SORT1: variants seen among roughly 807,000 people sequenced by gnomAD.
SORT1 encodes the protein sortilin 1.
Under a neutral mutation model 101.7 loss-of-function variants are expected in SORT1, and 39 were observed. The ratio of observed to expected loss-of-function variants is 0.38; its 90% CI spans 0.30 to 0.50. SORT1 has a LOEUF of 0.50. SORT1 is among the 20% of genes least tolerant of loss of function. SORT1 has a pLI of 0.90. For synonymous variants in SORT1, 396 were observed against 393.7 expected (o/e 1.01, Z -0.07); for missense variants, 878 against 1,040.4 (o/e 0.84, Z 2.15).
rs374853209 is a variant in SORT1 at position 109,342,024 on chromosome 1, A to T, written c.1098T>A (p.Asp366Glu). 1.2e-6 allele frequency: 2 copies of T among 1,613,582 alleles called. No homozygotes were observed. Among genetic ancestry groups the T allele is most frequent in the African/African-American group, 2.7e-5 (2 of 74,914 alleles). Reference sequence around the variant, plus strand: ...CTAAAAAGCTCTTACCTCCAGGTTCATCTACATGCATGAATACCATGTCAT... The same window carrying T: ...CTAAAAAGCTCTTACCTCCAGGTTCTTCTACATGCATGAATACCATGTCAT... ...ANDDMVFMHV[D>E]EPGDTGFGTI... The change falls in exon 9 of 20, where the codon GAT (aspartate) becomes GAA (glutamate). Residue 366 changes from aspartate (D) to glutamate (E), a missense_variant. By Grantham distance (45) the Asp-to-Glu change is conservative. This residue lies in a region of SORT1 where 684 missense variants were observed against 894.5 expected (regional missense o/e 0.76). Coordinates refer to ENST00000256637, the MANE Select transcript of SORT1 (RefSeq NM_002959.7).
At chr1:109,393,344 T>C (rs993032803) in intron 1 of SORT1, 2 of 982,842 alleles carry the variant, frequency 2.0e-6, no homozygotes, top group African/African-American at 1.7e-5. Flanking sequence ...CCTGGCTTTA[T>C]TCATCATAAG....
Position 109,397,792 on chromosome 1 carries a change from TG to T in SORT1, c.100del (p.Gln34ArgfsTer23). 1 of 1,254,266 alleles carries T rather than the reference TG, an allele frequency of 8.0e-7. No homozygotes were observed. Among genetic ancestry groups the T allele is most frequent in the Non-Finnish European group, 1.0e-6 (1 of 993,054 alleles). The allele number at this position is 1,254,266 out of a possible 1,614,324, so 77.7% of individuals were successfully genotyped here. On this transcript the variant is annotated frameshift_variant, in exon 1 of 20. Transcript: ENST00000256637. LOFTEE classifies it high-confidence loss of function. ...LQLLPPSTLS[Q>X]DRLDAPPPPA... ...CGGCGGCGGCGCGTCCAGCCGGTCC[TG>T]GCTGAGGGTCGACGGCGGCAGCAGC...
At chr1:109,362,259 C>G (rs560915256) in intron 3 of SORT1, among the ~76,000 whole-genome samples, 4 of 152,132 alleles carry the variant, frequency 2.6e-5, no homozygotes, top group Admixed American at 6.5e-5. Flanking sequence ...CAGAAGTTTG[C>G]AGAAACCTAA....
At chr1:109,332,463 C>T (rs1648525181) in intron 11 of SORT1, among the ~76,000 whole-genome samples, 1 of 152,134 alleles carries the variant, frequency 6.6e-6, no homozygotes, top group South Asian at 2.1e-4. Context: ...ACACACCTAG[C>T]TACTTGGGAC....
intron 1 of SORT1, among the ~76,000 whole-genome samples, chr1:109,395,324 G>T (rs970541017): frequency 1.4e-5 from 2 of 145,830 alleles, no homozygotes; most frequent in African/African-American, 5.1e-5. Flanking sequence ...GGGTTCAAGT[G>T]ATCGTCATGC....
intron 15 of SORT1, among the ~76,000 whole-genome samples, chr1:109,322,283 C>G (rs1647685972): frequency 6.6e-6 from 1 of 152,032 alleles, no homozygotes; most frequent in Admixed American, 6.6e-5. Context: ...TCCTCTACCA[C>G]TTCTTTTGGT....
intron 1 of SORT1, chr1:109,393,187 C>A: frequency 4.1e-6 from 4 of 985,488 alleles, no homozygotes; most frequent in Non-Finnish European, 4.8e-6. Context: ...CTTCCCAGAG[C>A]TGACACCCCA....
chr1:109,332,714 T>C (rs560444473), intron 11 of SORT1, among the ~76,000 whole-genome samples: 2 of 152,266 alleles, frequency 1.3e-5, no homozygotes, highest in African/African-American at 4.8e-5. Flanking sequence ...TTTCAAAATA[T>C]ATTATTGAGC....
In SORT1 at chr1:109,397,691, C is replaced by A; in HGVS notation, c.202G>T (p.Ala68Ser). ...CGCCAACGGCCGCCGCGGGGAAACG[C>A]GCCCCCGGCTGCGGCCGCCCGCAGC... Reference protein sequence around the residue: ...WGLRAAAAGGAFPRGGRWRRS... With the variant: ...WGLRAAAAGGSFPRGGRWRRS... The change falls in exon 1 of 20, where the codon GCG becomes TCG. Residue 68 changes from alanine to serine, a missense_variant. Physicochemically the swap from Ala to Ser is moderately conservative, Grantham distance 99 (BLOSUM62 1). Around this residue, in one of 2 missense-constraint regions of SORT1, gnomAD observed 194 missense variants for 145.9 expected, o/e 1.33. Coordinates refer to ENST00000256637, the MANE Select transcript of SORT1 (RefSeq NM_002959.7). 1 of 1,194,002 alleles carries A rather than the reference C, an allele frequency of 8.4e-7. No homozygotes were observed. The highest frequency in any genetic ancestry group is 1.0e-6 in the Non-Finnish European group (1 of 964,552). The allele number at this position is 1,194,002 out of a possible 1,614,324, so 74.0% of individuals were successfully genotyped here. A position where few individuals can be genotyped will look rare whatever the true frequency, so the allele number is the denominator to read the frequency against.
intron 1 of SORT1, among the ~76,000 whole-genome samples, chr1:109,378,299 T>C (rs1043852116): frequency 1.3e-5 from 2 of 151,750 alleles, no homozygotes; most frequent in South Asian, 4.2e-4. Flanking sequence ...AAGGTTGAAA[T>C]AGAAGGAAAA....
At chr1:109,334,319 G>C (rs570479104) in intron 11 of SORT1, among the ~76,000 whole-genome samples, 1 of 152,238 alleles carries the variant, frequency 6.6e-6, no homozygotes, top group South Asian at 2.1e-4. Context: ...TCTACAGATG[G>C]ATGAATGGAC....
intron 1 of SORT1, among the ~76,000 whole-genome samples, chr1:109,371,288 T>C: frequency 6.6e-6 from 1 of 152,226 alleles, no homozygotes; most frequent in Admixed American, 6.5e-5. Flanking sequence ...CATAGCAGTG[T>C]GTCTTATATG....
At chr1:109,341,093 A>G (rs764487782) in intron 9 of SORT1, among the ~76,000 whole-genome samples, 11 of 152,350 alleles carry the variant, frequency 7.2e-5, no homozygotes, top group Non-Finnish European at 1.3e-4. Context: ...TGCCTGGAAT[A>G]TGGCAGATGC....
chr1:109,328,894 G>A (rs2101555964), intron 11 of SORT1, among the ~76,000 whole-genome samples: 1 of 152,318 alleles, frequency 6.6e-6, no homozygotes, highest in South Asian at 2.1e-4. Context: ...AGCCCCTGCA[G>A]GCTCAGGGTA....
chr1:109,375,291 G>A (rs1314019176), intron 1 of SORT1, among the ~76,000 whole-genome samples: 2 of 151,552 alleles, frequency 1.3e-5, no homozygotes, highest in Non-Finnish European at 2.9e-5. Context: ...TAATAGCCAC[G>A]GTGGCTCACG....
intron 10 of SORT1, among the ~76,000 whole-genome samples, chr1:109,337,015 T>C (rs1648880154): frequency 6.6e-6 from 1 of 152,142 alleles, no homozygotes; most frequent in African/African-American, 2.4e-5. Context: ...CTAATCTTTA[T>C]TCGGACAAGG....
intron 1 of SORT1, among the ~76,000 whole-genome samples, chr1:109,380,341 G>C (rs1334520107): frequency 4.6e-5 from 7 of 151,994 alleles, no homozygotes; most frequent in East Asian, 1.9e-4. Flanking sequence ...ACCTTGGAAT[G>C]GGAAGACCTT....
intron 7 of SORT1, among the ~76,000 whole-genome samples, chr1:109,346,435 G>A (rs1193002131): frequency 6.6e-6 from 1 of 151,496 alleles, no homozygotes; most frequent in Non-Finnish European, 1.5e-5. Context: ...TTCTAATACA[G>A]TGTTTCATAA....
At chr1:109,392,646 T>G in intron 1 of SORT1, 1 of 985,212 alleles carries the variant, frequency 1.0e-6, no homozygotes, top group South Asian at 4.7e-5. Context: ...GCTAGCTTTC[T>G]ACTCTCATCC....
Sources: allele counts gnomAD v4.1 joint callset (sites outside exome capture counted in the v4.1 genomes callset), GRCh38; gene constraint gnomAD v4.1.1; regional missense constraint gnomAD v4.1.1; transcripts MANE v1.5; gene names NCBI Gene and HGNC (gene_info 2026-07-23, HGNC 2026-07-21).